Variants in EXT1 observed in about 807,000 individuals in gnomAD.
EXT1 encodes the protein exostosin-1.
A neutral mutation model predicts 82.5 loss-of-function variants in EXT1; 20 were observed. The ratio of observed to expected loss-of-function variants is 0.24; its 90% CI spans 0.17 to 0.35. The LOEUF is 0.35. EXT1 is among the 10% of genes least tolerant of loss of function. The pLI, the probability that EXT1 is intolerant of heterozygous loss-of-function variation, is 1.00. For missense variants in EXT1, 757 were observed against 936.5 expected (o/e 0.81, Z 2.50); for synonymous variants, 348 against 350.8 (o/e 0.99, Z 0.09).
intron 1 of EXT1, among the ~76,000 whole-genome samples, chr8:117,982,990 C>T (rs1232712997): frequency 6.6e-6 from 1 of 152,182 alleles, no homozygotes; most frequent in Non-Finnish European, 1.5e-5. Flanking sequence ...CAGCACCATT[C>T]TCCTGCTCTT....
chr8:117,828,421 C>T (rs1156869712), intron 4 of EXT1, among the ~76,000 whole-genome samples: 2 of 151,832 alleles, frequency 1.3e-5, no homozygotes, highest in Non-Finnish European at 2.9e-5. Flanking sequence ...CAGTAGCTCG[C>T]GCCCATGGTC....
At chr8:118,096,174 T>A (rs1187032158) in intron 1 of EXT1, among the ~76,000 whole-genome samples, 1 of 152,208 alleles carries the variant, frequency 6.6e-6, no homozygotes, top group African/African-American at 2.4e-5. Flanking sequence ...GGGGGAAGTT[T>A]CAATATCTAC....
intron 1 of EXT1, among the ~76,000 whole-genome samples, chr8:117,875,016 T>C (rs989277773): frequency 6.6e-6 from 1 of 152,198 alleles, no homozygotes; most frequent in African/African-American, 2.4e-5. Context: ...TTGGTCAGGT[T>C]TTCTATGGAT....
chr8:117,807,451 A>G (rs1823256747), intron 8 of EXT1, 74 bp from the exon 9 acceptor site: 1 of 1,540,608 alleles, frequency 6.5e-7, no homozygotes, highest in Admixed American at 1.8e-5. Context: ...CCTTCTCCCC[A>G]CTAATTCATA....
chr8:117,805,784 G>A (rs1429470476), intron 9 of EXT1, among the ~76,000 whole-genome samples: 3 of 152,210 alleles, frequency 2.0e-5, no homozygotes, highest in African/African-American at 7.2e-5. Flanking sequence ...GTTACTGGTT[G>A]AGTGGGGAAT....
At chr8:118,037,571 T>G (rs938593656) in intron 1 of EXT1, among the ~76,000 whole-genome samples, 1 of 152,048 alleles carries the variant, frequency 6.6e-6, no homozygotes, top group Non-Finnish European at 1.5e-5. Flanking sequence ...TTAATGTGTT[T>G]TCTCTTGCAC....
At chr8:117,893,064 GAA>G (rs1276755441) in intron 1 of EXT1, among the ~76,000 whole-genome samples, 3 of 152,346 alleles carry the variant, frequency 2.0e-5, no homozygotes, top group Non-Finnish European at 2.9e-5. Flanking sequence ...GAGAGTAGCT[GAA>G]ACATTACAGT....
intron 1 of EXT1, among the ~76,000 whole-genome samples, chr8:118,050,036 T>G (rs898719977): frequency 1.3e-5 from 2 of 152,150 alleles, no homozygotes; most frequent in African/African-American, 4.8e-5. Context: ...ACCAATTCTA[T>G]ATACCCATTC....
chr8:117,856,522 G>A (rs949964287), intron 1 of EXT1, among the ~76,000 whole-genome samples: 11 of 145,398 alleles, frequency 7.6e-5, no homozygotes, highest in Admixed American at 1.4e-4. Context: ...CACCTCGGCC[G>A]CCCAAAGTGT....
rs1815038137 is a variant in EXT1 at position 117,975,111 on chromosome 8, C to T, written c.962+134974G>A. 2.0e-5 allele frequency among the ~76,000 whole-genome samples: 3 copies of T among 152,176 alleles called. No homozygotes were observed. The South Asian group carries it at 6.2e-4, about 32-fold the overall frequency. On this transcript the variant is annotated intron_variant, in intron 1 of 10. Transcript: ENST00000378204. ...GCCTTTTGGAATTGATTTCTGAGTT[C>T]TGGGACACACACAGGCTTTTGAATG...
In EXT1 at chr8:118,111,010, C is replaced by T. The variant is rs2130046000; in HGVS notation, c.37G>A (p.Ala13Thr). ...AKKRYFILLS[A>T]GSCLALLFYF... ...AACAAAAGGGCGAGACAAGAGCCAG[C>T]TGAGAGCAGGATGAAATAGCGTTTT... The change falls in exon 1 of 11, where the codon GCT (alanine) becomes ACT (threonine). Residue 13 changes from alanine (A) to threonine (T), a missense_variant. Coordinates refer to ENST00000378204, the MANE Select transcript of EXT1 (RefSeq NM_000127.3). The T allele has an allele frequency of 1.2e-6, 2 of 1,603,978 alleles. No individual in the cohort carries two copies. Among genetic ancestry groups the T allele is most frequent in the Non-Finnish European group, 8.5e-7 (1 of 1,179,558 alleles).
intron 1 of EXT1, among the ~76,000 whole-genome samples, chr8:117,961,763 T>A (rs1050370625): frequency 6.6e-6 from 1 of 152,188 alleles, no homozygotes; most frequent in Admixed American, 6.5e-5. Context: ...AAACTTCAGG[T>A]GCTTACAACA....
Position 117,848,989 on chromosome 8 carries a change from C to T in EXT1, c.963-11788G>A, listed in dbSNP as rs189575919. On this transcript the variant is annotated intron_variant, in intron 1 of 10. Coordinates refer to ENST00000378204, the MANE Select transcript of EXT1 (RefSeq NM_000127.3). ...GGGTCCCATGAGAACTGGCCTCTGC[C>T]CACATCTCTGACTGCCCCATCCTCA... Among the ~76,000 whole-genome samples, 232 of 152,282 alleles carry T rather than the reference C, an allele frequency of 1.5e-3. 2 individuals are homozygous for T. Among genetic ancestry groups the T allele is most frequent in the African/African-American group, 5.1e-3 (213 of 41,562 alleles).
intron 1 of EXT1, among the ~76,000 whole-genome samples, chr8:117,858,543 T>G (rs566026346): frequency 6.6e-6 from 1 of 152,012 alleles, no homozygotes; most frequent in East Asian, 1.9e-4. Flanking sequence ...CTGGGCATGG[T>G]GGCCTATGCC....
intron 1 of EXT1, among the ~76,000 whole-genome samples, chr8:118,001,307 C>G (rs562630046): frequency 4.6e-5 from 7 of 152,118 alleles, no homozygotes; most frequent in Non-Finnish European, 1.0e-4. Context: ...GTGCCTCAGC[C>G]TCTCATGCAG....
At chr8:117,889,142 A>C (rs1019944620) in intron 1 of EXT1, among the ~76,000 whole-genome samples, 4 of 152,208 alleles carry the variant, frequency 2.6e-5, no homozygotes, top group Non-Finnish European at 5.9e-5. Context: ...GGACTCCAGC[A>C]TGTAAGATAT....
chr8:118,011,865 T>C (rs1449222069), intron 1 of EXT1, among the ~76,000 whole-genome samples: 1 of 152,128 alleles, frequency 6.6e-6, no homozygotes, highest in East Asian at 1.9e-4. Context: ...CACTTAGAAA[T>C]GGAAACAGTC....
chr8:117,934,741 G>C lies in EXT1; in HGVS notation c.963-97540C>G, dbSNP rs527567863. Reference sequence around the variant, plus strand: ...TCAGGCTCCTTTCACAATGCAAATGGATACCTGACTCAGGCACTGCGGTAC... The same window carrying C: ...TCAGGCTCCTTTCACAATGCAAATGCATACCTGACTCAGGCACTGCGGTAC... On this transcript the variant is annotated intron_variant, in intron 1 of 10. Coordinates refer to ENST00000378204, the MANE Select transcript of EXT1 (RefSeq NM_000127.3). Among the ~76,000 whole-genome samples the C allele has an allele frequency of 7.2e-5, 11 of 152,302 alleles. No individual in the cohort carries two copies. The South Asian group carries it at 2.1e-3, about 29-fold the overall frequency.
At chr8:118,002,416 C>T (rs997088517) in intron 1 of EXT1, among the ~76,000 whole-genome samples, 2 of 147,256 alleles carry the variant, frequency 1.4e-5, no homozygotes, top group African/African-American at 5.0e-5. Flanking sequence ...TTGCCTGTTT[C>T]CTGATGTCTC....
Sources: allele counts gnomAD v4.1 joint callset (sites outside exome capture counted in the v4.1 genomes callset), GRCh38; gene constraint gnomAD v4.1.1; transcripts MANE v1.5; gene names NCBI Gene and HGNC (gene_info 2026-07-23, HGNC 2026-07-21).